PTPRD: variants seen among roughly 807,000 people sequenced by gnomAD.
PTPRD encodes protein tyrosine phosphatase receptor type D, also known as receptor-type tyrosine-protein phosphatase delta.
In PTPRD, 34 loss-of-function variants were observed where a neutral mutation model predicts 214.5. The ratio of observed to expected loss-of-function variants is 0.16; its 90% CI spans 0.12 to 0.21. The LOEUF is 0.21. Among genes scored for constraint, PTPRD ranks in the 10% least tolerant of loss-of-function variants. The pLI, the probability that PTPRD is intolerant of heterozygous loss-of-function variation, is 1.00. For synonymous variants in PTPRD, 1,128 were observed against 845.7 expected, an observed-to-expected ratio of 1.33 and a Z score of -5.79; for missense variants, 2,545 against 2,398.7, an observed-to-expected ratio of 1.06 and a Z score of -1.27.
chr9:9,835,697 A>C (rs2056548106), intron 5 of PTPRD, among the ~76,000 whole-genome samples: 1 of 152,136 alleles, frequency 6.6e-6, no homozygotes, highest in Non-Finnish European at 1.5e-5. Context: ...TACCAAAGTA[A>C]GTATTTCCTG....
At chr9:8,523,452 C>T (rs370656641) in intron 19 of PTPRD, 61 bp downstream of exon 19, 1 of 1,564,416 alleles carries the variant, frequency 6.4e-7, no homozygotes, top group African/African-American at 1.4e-5. Flanking sequence ...CATTTGTATT[C>T]TTTGTTATTG....
At chr9:9,682,960 T>A (rs1478869850) in intron 7 of PTPRD, among the ~76,000 whole-genome samples, 1 of 151,770 alleles carries the variant, frequency 6.6e-6, no homozygotes. Context: ...GAACAAGATA[T>A]GTACAGTCAT....
intron 8 of PTPRD, among the ~76,000 whole-genome samples, chr9:9,568,682 T>C (rs1405567047): frequency 3.3e-5 from 5 of 151,918 alleles, no homozygotes; most frequent in South Asian, 2.1e-4. Flanking sequence ...GATAATCAGA[T>C]GCTATGTCCC....
chr9:8,643,870 G>C (rs1298867488), intron 12 of PTPRD, among the ~76,000 whole-genome samples: 1 of 152,206 alleles, frequency 6.6e-6, no homozygotes, highest in East Asian at 1.9e-4. Context: ...GAGGCAGACA[G>C]GCTCCTGGGC....
intron 11 of PTPRD, chr9:8,860,746 G>T (rs73433146): frequency 6.6e-6 from 1 of 152,090 alleles, no homozygotes; most frequent in African/African-American, 2.4e-5. Flanking sequence ...ATCAGAAGCA[G>T]GCTAATCTTT....
chr9:10,451,029 T>G (rs547827617), intron 2 of PTPRD, among the ~76,000 whole-genome samples: 7 of 152,128 alleles, frequency 4.6e-5, no homozygotes, highest in Admixed American at 1.3e-4. Flanking sequence ...AATAACATGA[T>G]AGATAATCTT....
At chr9:9,577,094 G>A (rs897175785) in intron 7 of PTPRD, among the ~76,000 whole-genome samples, 2 of 152,240 alleles carry the variant, frequency 1.3e-5, no homozygotes, top group East Asian at 3.9e-4. Flanking sequence ...TAAGTTCAGG[G>A]ATTCCAGAAA....
intron 12 of PTPRD, among the ~76,000 whole-genome samples, chr9:8,680,338 C>T (rs1477989639): frequency 6.6e-6 from 1 of 152,118 alleles, no homozygotes; most frequent in Non-Finnish European, 1.5e-5. Context: ...AACATAATTG[C>T]CTACAGCTTT....
chr9:8,390,633 C>A (rs932582001), intron 36 of PTPRD, among the ~76,000 whole-genome samples: 3 of 152,160 alleles, frequency 2.0e-5, no homozygotes, highest in African/African-American at 7.2e-5. Flanking sequence ...TTCCCCAGTT[C>A]CAACATGTAA....
At chr9:8,614,765 G>A (rs999755144) in intron 14 of PTPRD, among the ~76,000 whole-genome samples, 5 of 152,084 alleles carry the variant, frequency 3.3e-5, no homozygotes, top group Non-Finnish European at 5.9e-5. Context: ...ACAGACATCC[G>A]GTCACTTTCA....
chr9:8,383,238 C>A (rs1326579847), intron 37 of PTPRD, among the ~76,000 whole-genome samples: 1 of 149,998 alleles, frequency 6.7e-6, no homozygotes, highest in Non-Finnish European at 1.5e-5. Flanking sequence ...ATGTGAATGT[C>A]TCCACCTCAC....
intron 4 of PTPRD, among the ~76,000 whole-genome samples, chr9:9,951,298 T>A (rs1051964477): frequency 6.6e-6 from 1 of 152,190 alleles, no homozygotes. Flanking sequence ...TGGCAGTGTT[T>A]GAAGATATTC....
intron 4 of PTPRD, among the ~76,000 whole-genome samples, chr9:9,958,352 A>G (rs2094111761): frequency 1.3e-5 from 2 of 152,188 alleles, no homozygotes; most frequent in Non-Finnish European, 2.9e-5. Context: ...CAACATGGTG[A>G]AACCCCATCT....
intron 5 of PTPRD, among the ~76,000 whole-genome samples, chr9:9,898,059 AATAGTAAGAATATCTTCAACAAC>A (rs2075469778): frequency 6.6e-6 from 1 of 152,134 alleles, no homozygotes; most frequent in South Asian, 2.1e-4. Flanking sequence ...TAAATTATGT[AATAGTAAGAATATCTTCAACAAC>A]ATAGAGAAAC....
chr9:10,417,121 A>C (rs534066177), intron 2 of PTPRD, among the ~76,000 whole-genome samples: 1 of 152,002 alleles, frequency 6.6e-6, no homozygotes, highest in East Asian at 2.0e-4. Flanking sequence ...CGTTCATTTA[A>C]GAAAAAGTGG....
At chr9:8,822,984 C>T (rs1032902368) in intron 11 of PTPRD, among the ~76,000 whole-genome samples, 4 of 152,190 alleles carry the variant, frequency 2.6e-5, no homozygotes, top group Middle Eastern at 3.4e-3. Context: ...AGTCAGTCCT[C>T]GGTATGAAAT....
intron 3 of PTPRD, among the ~76,000 whole-genome samples, chr9:10,091,242 T>G (rs1394081493): frequency 1.3e-5 from 2 of 151,556 alleles, no homozygotes; most frequent in Non-Finnish European, 3.0e-5. Context: ...AACTCTCTTC[T>G]TTCATAAAAT....
chr9:9,779,514 AC>A (rs1175597838), intron 5 of PTPRD, among the ~76,000 whole-genome samples: 6 of 152,204 alleles, frequency 3.9e-5, no homozygotes, highest in African/African-American at 1.4e-4. Context: ...ACAAGCAAAA[AC>A]CAAATAACTT....
At position 10,238,925 on chromosome 9, in the gene PTPRD, G is replaced by A. The variant is rs956291451; in HGVS notation, c.-545+102038C>T. ...GGCAGTATGTTTTGTTTGTCAGATCGATTTATGACAACATGGGAATTTTAG... is the reference window on the plus strand; with the variant it reads ...GGCAGTATGTTTTGTTTGTCAGATCAATTTATGACAACATGGGAATTTTAG... On this transcript the variant is annotated intron_variant, in intron 3 of 45. Coordinates refer to ENST00000381196, the MANE Select transcript of PTPRD (RefSeq NM_002839.4). Among the ~76,000 whole-genome samples the A allele has an allele frequency of 5.3e-5, 8 of 151,822 alleles. No individual in the cohort carries two copies. The East Asian group carries it at 7.8e-4, about 15-fold the overall frequency.
Sources: allele counts gnomAD v4.1 joint callset (sites outside exome capture counted in the v4.1 genomes callset), GRCh38; gene constraint gnomAD v4.1.1; transcripts MANE v1.5; gene names NCBI Gene and HGNC (gene_info 2026-07-23, HGNC 2026-07-21).